ZFP30: variants seen among roughly 807,000 people sequenced by gnomAD.
ZFP30 encodes the protein ZFP30 zinc finger protein, also known as zinc finger protein 30 homolog.
In ZFP30, 16 loss-of-function variants were observed where a neutral mutation model predicts 12.3. That is an observed-to-expected ratio of 1.30 (90% CI 0.88 to 1.98). The LOEUF is 1.98. Ranked by LOEUF, ZFP30 falls within the 30% of genes most tolerant of loss-of-function variation. The probability of loss-of-function intolerance (pLI) is 0.00; values close to 1 mark genes in which losing one functional copy is unlikely to be tolerated. For missense variants in ZFP30, 560 were observed against 611.2 expected, an observed-to-expected ratio of 0.92 and a Z score of 0.88; for synonymous variants, 172 against 201.0, an observed-to-expected ratio of 0.86 and a Z score of 1.22.
rs1187194059 is a variant in ZFP30 at position 37,631,013 on chromosome 19, G to C, written c.*3968C>G. On this transcript the variant is annotated 3_prime_UTR_variant, in exon 6 of 6. Coordinates refer to ENST00000684514, the MANE Select transcript of ZFP30 (RefSeq NM_001320669.3). ...TTCATTTTCATTGCAGTATAGTGTT[G>C]ATTCAGAAATTTTATTTCTGCAGAA... 1 of 152,150 alleles carries C rather than the reference G, an allele frequency of 6.6e-6. No homozygotes were observed. The highest frequency in any genetic ancestry group is 1.5e-5 in the Non-Finnish European group (1 of 68,028). 9.4% of individuals were successfully genotyped at this position (152,150 alleles called of 1,614,324 possible). A position where few individuals can be genotyped will look rare whatever the true frequency, so the allele number is the denominator to read the frequency against.
intron 2 of ZFP30, chr19:37,651,453 G>A (rs1354185575): frequency 6.6e-6 from 1 of 152,230 alleles, no homozygotes; most frequent in Non-Finnish European, 1.5e-5. Flanking sequence ...GCATGTGCCT[G>A]TGGTCCCAGC....
At position 37,632,687 on chromosome 19, in the gene ZFP30, C is replaced by A. The variant is rs754735668; in HGVS notation, c.*2294G>T. On this transcript the variant is annotated 3_prime_UTR_variant, in exon 6 of 6. Coordinates refer to ENST00000684514, the MANE Select transcript of ZFP30 (RefSeq NM_001320669.3). ...GAGATACTTAACTTTTTTAAAATAA[C>A]TAAGTCTTCAGAATCTTGTGTTTTA... 3 of 152,054 alleles carry A rather than the reference C, an allele frequency of 2.0e-5. No individual in the cohort carries two copies. Among genetic ancestry groups the A allele is most frequent in the African/African-American group, 7.2e-5 (3 of 41,408 alleles). The allele number at this position is 152,054 out of a possible 1,614,324, so 9.4% of individuals were successfully genotyped here.
Position 37,635,398 on chromosome 19 carries a change from G to T in ZFP30, c.1143C>A (p.Pro381=). 6.2e-7 allele frequency: 1 copy of T among 1,614,028 alleles called. No homozygotes were observed. Among genetic ancestry groups the T allele is most frequent in the Non-Finnish European group, 8.5e-7 (1 of 1,180,010 alleles). The part of the protein sequence containing the change: ...LHQRIHTGEK[P]YECKECQKFF... The stretch of plus-strand genomic sequence containing the variant: ...ACTTCTGACATTCCTTACATTCATA[G>T]GGCTTTTCACCAGTATGTATTCTCT... The change falls in exon 6 of 6, where the codon CCC becomes CCA. Residue 381 remains proline (P), a synonymous_variant. Coordinates refer to ENST00000684514, the MANE Select transcript of ZFP30 (RefSeq NM_001320669.3).
At chr19:37,643,596 A>C (rs1040374862) in intron 4 of ZFP30, among the ~76,000 whole-genome samples, 3 of 152,184 alleles carry the variant, frequency 2.0e-5, no homozygotes, top group South Asian at 4.1e-4. Flanking sequence ...TCTCTTTCCC[A>C]TGTCAGTAGA....
intron 3 of ZFP30, among the ~76,000 whole-genome samples, chr19:37,645,189 A>T (rs1599625032): frequency 6.6e-6 from 1 of 151,434 alleles, no homozygotes; most frequent in South Asian, 2.1e-4. Flanking sequence ...TGGGTGACAG[A>T]GCGACAGAGC....
chr19:37,635,979 A>T lies in ZFP30; in HGVS notation c.562T>A (p.Cys188Ser). ...RIHTGEKPYE[C>S]KECGKAFRQC... ...CTAAAGGCTTTTCCACATTCTTTAC[A>T]TTCATAGGGTTTCTCACCAGTATGA... is the stretch of plus-strand genomic sequence containing the variant. The change falls in exon 6 of 6, where the codon TGT becomes AGT. Residue 188 changes from cysteine to serine, a missense_variant. By Grantham distance (112) the Cys-to-Ser change is moderately radical. Coordinates refer to ENST00000684514, the MANE Select transcript of ZFP30 (RefSeq NM_001320669.3). 1 of 1,614,182 alleles carries T rather than the reference A, an allele frequency of 6.2e-7. No individual in the cohort carries two copies. Among genetic ancestry groups the T allele is most frequent in the Non-Finnish European group, 8.5e-7 (1 of 1,180,020 alleles).
In ZFP30 at chr19:37,635,805, CTT is replaced by C. The variant is rs1462740280; in HGVS notation, c.734_735del (p.Lys245ArgfsTer7). The C allele has an allele frequency of 6.2e-7, 1 of 1,614,194 alleles. No homozygotes were observed. Among genetic ancestry groups the C allele is most frequent in the Non-Finnish European group, 8.5e-7 (1 of 1,180,046 alleles). ...CTAACTCTAAAGGCTTTCCCACATT[CTT>C]TACATTCATACGGCTTCTCACCAAT... is the stretch of plus-strand genomic sequence containing the variant. ...IHIGEKPYECKECGKAFRVRG... is the reference protein window; with the variant it reads ...IHIGEKPYECXECGKAFRVRG... On this transcript the variant is annotated frameshift_variant, in exon 6 of 6. Transcript: ENST00000684514. LOFTEE classifies it low-confidence loss of function (END_TRUNC).
chr19:37,652,341 T>C (rs1312869739), intron 2 of ZFP30, among the ~76,000 whole-genome samples: 2 of 151,998 alleles, frequency 1.3e-5, no homozygotes, highest in East Asian at 1.9e-4. Context: ...CTGAGGCAGG[T>C]GGATTGTCTG....
At position 37,643,686 on chromosome 19, in the gene ZFP30, T is replaced by C. The variant is rs569575359; in HGVS notation, c.137-323A>G. Among the ~76,000 whole-genome samples, 15 of 152,354 alleles carry C rather than the reference T, an allele frequency of 9.8e-5. No homozygotes were observed. In the South Asian group the frequency reaches 2.9e-3, roughly 29 times the overall value. On this transcript the variant is annotated intron_variant, in intron 4 of 5. Coordinates refer to ENST00000684514, the MANE Select transcript of ZFP30 (RefSeq NM_001320669.3). ...ACAGTAATGCGTATATATAGCATTG[T>C]TGTGAGATTCGATTTAATGTAAGTG...
intron 5 of ZFP30, among the ~76,000 whole-genome samples, chr19:37,640,557 T>G (rs1026820299): frequency 1.3e-5 from 2 of 151,246 alleles, no homozygotes; most frequent in Non-Finnish European, 2.9e-5. Flanking sequence ...ATGAAAGAAG[T>G]GTTATTTCCA....
intron 3 of ZFP30, among the ~76,000 whole-genome samples, chr19:37,647,206 A>G (rs2044560398): frequency 6.6e-6 from 1 of 152,176 alleles, no homozygotes; most frequent in Admixed American, 6.5e-5. Flanking sequence ...TCTCTGCTCT[A>G]GACAGATAAG....
intron 5 of ZFP30, among the ~76,000 whole-genome samples, chr19:37,639,418 G>A (rs11666738): frequency 6.6e-6 from 1 of 152,098 alleles, no homozygotes; most frequent in South Asian, 2.1e-4. Context: ...AAGTGAGAAC[G>A]TGTTACTGTT....
chr19:37,635,035 T>C lies in ZFP30; in HGVS notation c.1506A>G (p.Ala502=). The C allele has an allele frequency of 6.3e-7, 1 of 1,592,340 alleles. No homozygotes were observed. ...AAGTAAGATGTGAATGTTGTCTAAA[T>C]GCCTTTTTACATTCCTTACATTTGT... is the stretch of plus-strand genomic sequence containing the variant. The part of the protein sequence containing the change: ...KPYKCKECKK[A]FRQHSHLTYH... The change falls in exon 6 of 6, where the codon GCA becomes GCG. Residue 502 remains alanine, a synonymous_variant. Coordinates refer to ENST00000684514, the MANE Select transcript of ZFP30 (RefSeq NM_001320669.3).
Position 37,643,246 on chromosome 19 carries a change from C to T in ZFP30, c.235+19G>A. 2 of 1,601,900 alleles carry T rather than the reference C, an allele frequency of 1.2e-6. No individual in the cohort carries two copies. Among genetic ancestry groups the T allele is most frequent in the Non-Finnish European group, 1.7e-6 (2 of 1,172,248 alleles). On this transcript the variant is annotated intron_variant, in intron 5 of 5. Transcript: ENST00000684514. ...CTGGCCATGCCATAATGGCTGACCT[C>T]TGCCTGATCAGCACTTACCTAGAGT...
intron 5 of ZFP30, among the ~76,000 whole-genome samples, chr19:37,643,062 A>AAG (rs2044469421): frequency 1.3e-5 from 2 of 151,546 alleles, no homozygotes; most frequent in African/African-American, 4.9e-5. Context: ...CAAAAAAAAA[A>AAG]AAAAAAAAAG....
intron 4 of ZFP30, among the ~76,000 whole-genome samples, chr19:37,643,780 G>C (rs768201661): frequency 6.6e-6 from 1 of 151,822 alleles, no homozygotes; most frequent in Non-Finnish European, 1.5e-5. Flanking sequence ...GCTATTTTTT[G>C]ATTTTTTTTT....
At chr19:37,639,067 G>A (rs1319842681) in intron 5 of ZFP30, among the ~76,000 whole-genome samples, 1 of 151,880 alleles carries the variant, frequency 6.6e-6, no homozygotes, top group Non-Finnish European at 1.5e-5. Flanking sequence ...TAAATGAATG[G>A]AACAGAAAAT....
intron 3 of ZFP30, among the ~76,000 whole-genome samples, chr19:37,645,771 T>A (rs2044531868): frequency 6.6e-6 from 1 of 151,978 alleles, no homozygotes; most frequent in African/African-American, 2.4e-5. Flanking sequence ...AAAATAATAA[T>A]AATTGATGGT....
At chr19:37,653,896 C>A (rs1487782382) in intron 2 of ZFP30, among the ~76,000 whole-genome samples, 3 of 152,204 alleles carry the variant, frequency 2.0e-5, no homozygotes, top group African/African-American at 7.2e-5. Context: ...CTGTTCTGGT[C>A]CACTGCAGGG....
Sources: gnomAD v4.1 joint callset for allele counts (sites outside exome capture counted in the v4.1 genomes callset) on GRCh38, gnomAD v4.1.1 for gene constraint, MANE v1.5 for transcripts, NCBI Gene and HGNC (gene_info 2026-07-23, HGNC 2026-07-21) for gene names.